The following RBFOX3 variants were observed in gnomAD, a reference collection of about 807,000 sequenced individuals.
The protein encoded by RBFOX3 is RNA binding protein fox-1 homolog 3.
Under a neutral mutation model 48.7 loss-of-function variants are expected in RBFOX3, and 17 were observed. That is an observed-to-expected ratio of 0.35 (90% CI 0.24 to 0.52). The LOEUF (loss-of-function observed/expected upper bound fraction) is 0.52, where lower values mean the gene tolerates loss of function less well. RBFOX3 is among the 20% of genes least tolerant of loss of function. The probability of loss-of-function intolerance (pLI) is 0.94; values close to 1 mark genes in which losing one functional copy is unlikely to be tolerated. For missense variants in RBFOX3, 382 were observed against 497.5 expected (o/e 0.77, Z 2.21); for synonymous variants, 212 against 209.5 (o/e 1.01, Z -0.10).
At chr17:79,412,924 G>A (rs572801215) in intron 2 of RBFOX3, among the ~76,000 whole-genome samples, 13 of 152,108 alleles carry the variant, frequency 8.5e-5, no homozygotes, top group South Asian at 2.1e-4. Flanking sequence ...ACAGTAAAGG[G>A]GTGACTACCA....
intron 1 of RBFOX3, among the ~76,000 whole-genome samples, chr17:79,524,386 G>T (rs1327624418): frequency 6.6e-6 from 1 of 152,146 alleles, no homozygotes; most frequent in Non-Finnish European, 1.5e-5. Context: ...CTTAATGGAG[G>T]CAGCCCGCTC....
rs1350381322 is a variant in RBFOX3, at chr17:79,352,605, G to C, written c.-174-44781C>G. 7.9e-5 allele frequency among the ~76,000 whole-genome samples: 12 copies of C among 152,204 alleles called. 1 individual carries two copies. Among genetic ancestry groups the C allele is most frequent in the Admixed American group, 6.5e-4 (10 of 15,288 alleles). ...CACATCCCCAACTTACCTCTTAAAT[G>C]TTCCCTCTGGAAAGGTAAAAACTCC... On this transcript the variant is annotated intron_variant, in intron 2 of 14. Coordinates refer to ENST00000693108, the MANE Select transcript of RBFOX3 (RefSeq NM_001350451.2).
intron 4 of RBFOX3, among the ~76,000 whole-genome samples, chr17:79,125,230 G>A (rs1288744608): frequency 1.3e-5 from 2 of 152,198 alleles, no homozygotes; most frequent in South Asian, 2.1e-4. Context: ...GTGGCTGGCT[G>A]TCTGAGCCAC....
intron 2 of RBFOX3, among the ~76,000 whole-genome samples, chr17:79,323,506 T>C (rs1181593472): frequency 2.6e-5 from 4 of 152,234 alleles, no homozygotes; most frequent in Non-Finnish European, 4.4e-5. Flanking sequence ...TGGGTGATGA[T>C]AACGGTAGCA....
chr17:79,257,553 A>T (rs1204765866), intron 3 of RBFOX3, among the ~76,000 whole-genome samples: 3 of 152,100 alleles, frequency 2.0e-5, no homozygotes, highest in African/African-American at 7.2e-5. Flanking sequence ...CCAGGAAAAG[A>T]CACCTGAGTC....
Position 79,391,772 on chromosome 17 carries a change from G to A in RBFOX3, c.-174-83948C>T, listed in dbSNP as rs1243653663. Among the ~76,000 whole-genome samples, 1 of 152,014 alleles carries A rather than the reference G, an allele frequency of 6.6e-6. No homozygotes were observed. The highest frequency in any genetic ancestry group is 2.4e-5 in the African/African-American group (1 of 41,378). On this transcript the variant is annotated intron_variant, in intron 2 of 14. Coordinates refer to ENST00000693108, the MANE Select transcript of RBFOX3 (RefSeq NM_001350451.2). The surrounding 1 kb of genome is among the most constrained non-coding windows in gnomAD (Gnocchi z 5.0). ...GGTGGGGGGTATGTGGAGACACCAG[G>A]ACCACCAACATGCATGACAACGAGA...
rs530464329 is a variant in RBFOX3 at position 79,133,200 on chromosome 17, C to A, written c.-33-17452G>T. ...GGGTTCTGAGATCCCGGTAAGTTAC[C>A]AAGGCAGGGGCCAGTGGGAGAAGAC... On this transcript the variant is annotated intron_variant, in intron 4 of 14. Coordinates refer to ENST00000693108, the MANE Select transcript of RBFOX3 (RefSeq NM_001350451.2). Among the ~76,000 whole-genome samples the A allele has an allele frequency of 6.6e-5, 10 of 152,260 alleles. No individual in the cohort carries two copies. The South Asian group carries it at 2.1e-3, about 32-fold the overall frequency.
chr17:79,640,250 A>G, the RBFOX3 span, among the ~76,000 whole-genome samples: 3 of 152,190 alleles, frequency 2.0e-5, no homozygotes, highest in Non-Finnish European at 4.4e-5. Flanking sequence ...AAACTTAAAG[A>G]GGTTGAGGGC....
At chr17:79,280,685 G>A (rs1039534456) in intron 3 of RBFOX3, among the ~76,000 whole-genome samples, 1 of 152,212 alleles carries the variant, frequency 6.6e-6, no homozygotes, top group South Asian at 2.1e-4. Flanking sequence ...TCATGTAGAC[G>A]GGCCTTGGGG....
At chr17:79,190,210 G>C (rs1030724588) in intron 4 of RBFOX3, among the ~76,000 whole-genome samples, 6 of 152,168 alleles carry the variant, frequency 3.9e-5, no homozygotes, top group African/African-American at 1.2e-4. Flanking sequence ...CCAGGAGTTT[G>C]AGATCAGCCT....
chr17:79,455,600 C>A (rs542456847), intron 2 of RBFOX3, among the ~76,000 whole-genome samples: 1 of 152,278 alleles, frequency 6.6e-6, no homozygotes, highest in Admixed American at 6.5e-5. Flanking sequence ...CACACACGCA[C>A]GCAGTCACAC....
intron 2 of RBFOX3, among the ~76,000 whole-genome samples, chr17:79,452,821 C>T (rs1197272457): frequency 6.6e-6 from 1 of 152,214 alleles, no homozygotes; most frequent in African/African-American, 2.4e-5. Flanking sequence ...AGAGCTTGCA[C>T]AACCCGGGGG....
chr17:79,310,676 G>A (rs1356321873), intron 2 of RBFOX3, among the ~76,000 whole-genome samples: 3 of 152,182 alleles, frequency 2.0e-5, no homozygotes, highest in East Asian at 1.9e-4. Flanking sequence ...GCCTCTGCCC[G>A]GGCCCTTCTG....
chr17:79,439,581 T>A (rs2070377830), intron 2 of RBFOX3, among the ~76,000 whole-genome samples: 1 of 152,230 alleles, frequency 6.6e-6, no homozygotes, highest in South Asian at 2.1e-4. Context: ...TGAACACATC[T>A]GTGCATACAG....
At chr17:79,439,721 T>C (rs1555733551) in intron 2 of RBFOX3, among the ~76,000 whole-genome samples, 1 of 152,248 alleles carries the variant, frequency 6.6e-6, no homozygotes, top group Non-Finnish European at 1.5e-5. Context: ...CTCAGTGGCA[T>C]ACACCACACA....
At chr17:79,308,536 C>G (rs747573845) in intron 2 of RBFOX3, among the ~76,000 whole-genome samples, 1 of 152,200 alleles carries the variant, frequency 6.6e-6, no homozygotes. Context: ...CTTAGCGGCT[C>G]ACTCTGCCGA....
chr17:79,559,269 T>C (rs1432026201), intron 1 of RBFOX3, among the ~76,000 whole-genome samples: 7 of 152,298 alleles, frequency 4.6e-5, no homozygotes, highest in Non-Finnish European at 1.0e-4. Flanking sequence ...GATGGGTAGA[T>C]GGCAAATGGT....
intron 3 of RBFOX3, among the ~76,000 whole-genome samples, chr17:79,248,302 T>C (rs2063455851): frequency 6.6e-6 from 1 of 152,022 alleles, no homozygotes; most frequent in Non-Finnish European, 1.5e-5. Context: ...GGCGCAATCT[T>C]GGCTCACTGC....
chr17:79,130,759 G>A (rs780325885), intron 4 of RBFOX3, among the ~76,000 whole-genome samples: 2 of 152,254 alleles, frequency 1.3e-5, no homozygotes, highest in African/African-American at 2.4e-5. Context: ...TCCCTGGAAC[G>A]AGTGGAGTGC....
Sources: gnomAD v4.1 joint callset for allele counts (sites outside exome capture counted in the v4.1 genomes callset) on GRCh38, gnomAD v4.1.1 for gene constraint, Gnocchi (gnomAD v3.1) non-coding constraint, MANE v1.5 for transcripts, NCBI Gene and HGNC (gene_info 2026-07-23, HGNC 2026-07-21) for gene names.